DISC1: variants seen among roughly 807,000 people sequenced by gnomAD.
DISC1 encodes the protein DISC1 scaffold protein, also known as disrupted in schizophrenia 1 protein.
Under a neutral mutation model 84.5 loss-of-function variants are expected in DISC1, and 57 were observed. The observed-to-expected ratio is 0.67, with a 90% confidence interval of 0.55 to 0.84. The LOEUF (loss-of-function observed/expected upper bound fraction) is 0.84. DISC1 is among the 40% of genes least tolerant of loss of function. The probability of loss-of-function intolerance (pLI) is 0.00; values close to 1 mark genes in which losing one functional copy is unlikely to be tolerated. For synonymous variants in DISC1, 411 were observed against 415.2 expected (o/e 0.99, Z 0.12); for missense variants, 1,000 against 1,057.8 (o/e 0.95, Z 0.76).
At chr1:231,957,290 C>T (rs180697321) in intron 9 of DISC1, among the ~76,000 whole-genome samples, 1 of 152,334 alleles carries the variant, frequency 6.6e-6, no homozygotes, top group African/African-American at 2.4e-5. Flanking sequence ...CCTCTTCCCT[C>T]CCTCCGCAAA....
chr1:231,944,648 C>T (rs759949046), intron 9 of DISC1, among the ~76,000 whole-genome samples: 4 of 152,170 alleles, frequency 2.6e-5, no homozygotes, highest in Non-Finnish European at 2.9e-5. Context: ...TCCCTTTCCA[C>T]TCACTTTCCT....
At chr1:231,799,749 G>T (rs72760415) in intron 7 of DISC1, among the ~76,000 whole-genome samples, 14,562 of 150,638 alleles carry the variant, frequency 0.097, 895 homozygotes, top group Non-Finnish European at 0.14. Context: ...TTTTGTAATT[G>T]GATGTGGGGT....
At chr1:231,881,398 G>A (rs767995469) in intron 9 of DISC1, among the ~76,000 whole-genome samples, 2 of 152,148 alleles carry the variant, frequency 1.3e-5, no homozygotes, top group Admixed American at 6.5e-5. Context: ...GTAGGTGGCC[G>A]TCTTCTCCCT....
chr1:231,865,778 C>A (rs1277206386), intron 9 of DISC1, among the ~76,000 whole-genome samples: 8 of 152,230 alleles, frequency 5.3e-5, no homozygotes, highest in Admixed American at 4.6e-4. Flanking sequence ...GTCAGGTCTG[C>A]AGCCAGTGTG....
chr1:231,865,878 TG>T (rs2085021524), intron 9 of DISC1, among the ~76,000 whole-genome samples: 1 of 152,214 alleles, frequency 6.6e-6, no homozygotes, highest in African/African-American at 2.4e-5. Flanking sequence ...CTTAGGAATC[TG>T]GTACTCTAAA....
intron 9 of DISC1, among the ~76,000 whole-genome samples, chr1:231,829,760 T>C (rs2082100359): frequency 6.6e-6 from 1 of 151,850 alleles, no homozygotes; most frequent in African/African-American, 2.4e-5. Flanking sequence ...AGGCTGAGTC[T>C]GAAAAGAGAG....
chr1:231,746,348 C>T (rs1001554679), intron 3 of DISC1, among the ~76,000 whole-genome samples: 4 of 152,182 alleles, frequency 2.6e-5, no homozygotes, highest in Admixed American at 1.3e-4. Flanking sequence ...ATCCATTCAT[C>T]TGTTGTTGGA....
chr1:231,693,871 G>A lies in DISC1; in HGVS notation c.113G>A (p.Arg38Gln), dbSNP rs754659008. 20 of 1,614,058 alleles carry A rather than the reference G, an allele frequency of 1.2e-5. No individual in the cohort carries two copies. Among genetic ancestry groups the A allele is most frequent in the Admixed American group, 1.0e-4 (6 of 60,024 alleles). ...CCTGCAGCGTGCTTTCGGAGGCGGCGGCTGGCACGGAGGCCGGGCTACATG... is the reference window on the plus strand; with the variant it reads ...CCTGCAGCGTGCTTTCGGAGGCGGCAGCTGGCACGGAGGCCGGGCTACATG... ...LPPAACFRRR[R>Q]LARRPGYMRS... The change falls in exon 2 of 13, where the codon CGG becomes CAG. Residue 38 changes from arginine to glutamine, a missense_variant. By Grantham distance (43) the Arg-to-Gln change is conservative. Around this residue, in one of 3 missense-constraint regions of DISC1, gnomAD observed 292 missense variants for 280.2 expected, o/e 1.04. Transcript: ENST00000439617.
At chr1:231,886,799 CTTT>C (rs1558692262) in intron 9 of DISC1, among the ~76,000 whole-genome samples, 42 of 142,444 alleles carry the variant, frequency 2.9e-4, no homozygotes, top group African/African-American at 1.1e-3. Flanking sequence ...TTCTTTCTTT[CTTT>C]CTTTCTTTCT....
chr1:231,696,954 C>T (rs539109966), intron 2 of DISC1, among the ~76,000 whole-genome samples: 38 of 152,254 alleles, frequency 2.5e-4, no homozygotes, highest in Non-Finnish European at 4.4e-4. Flanking sequence ...TGTGTGACAG[C>T]GGAATTAACA....
intron 9 of DISC1, among the ~76,000 whole-genome samples, chr1:231,837,341 G>A (rs2082698345): frequency 6.6e-6 from 1 of 152,100 alleles, no homozygotes; most frequent in Admixed American, 6.6e-5. Flanking sequence ...AAATTCAAGG[G>A]GAGACATGAT....
Position 231,694,011 on chromosome 1 carries a change from C to G in DISC1, c.253C>G (p.Gln85Glu). The change falls in exon 2 of 13, where the codon CAG becomes GAG. Residue 85 changes from glutamine to glutamate, a missense_variant. Gln to Glu is a conservative substitution (Grantham distance 29). Around this residue, in one of 3 missense-constraint regions of DISC1, gnomAD observed 292 missense variants for 280.2 expected, o/e 1.04. Transcript: ENST00000439617. The part of the protein sequence containing the change: ...ESHHSESRAR[Q>E]CGLDSRGLLV... ...CCACCACTCGGAGTCCAGGGCCAGA[C>G]AGTGTGGCCTTGACTCGAGAGGCCT... is the stretch of plus-strand genomic sequence containing the variant. The G allele has an allele frequency of 1.9e-6, 3 of 1,614,160 alleles. No homozygotes were observed. The Admixed American group carries it at 5.0e-5, about 27-fold the overall frequency.
chr1:231,746,337 TA>T (rs1295587544), intron 3 of DISC1, among the ~76,000 whole-genome samples: 1 of 152,268 alleles, frequency 6.6e-6, no homozygotes, highest in Non-Finnish European at 1.5e-5. Flanking sequence ...ACATTTGCTT[TA>T]TCCATTCATC....
chr1:231,696,686 A>G (rs537888521), intron 2 of DISC1, among the ~76,000 whole-genome samples: 3 of 152,310 alleles, frequency 2.0e-5, no homozygotes, highest in Admixed American at 1.3e-4. Context: ...TTCTATGTTC[A>G]GATATGTTTA....
chr1:231,963,528 C>A (rs1182639950), intron 10 of DISC1, among the ~76,000 whole-genome samples: 1 of 151,962 alleles, frequency 6.6e-6, no homozygotes, highest in Non-Finnish European at 1.5e-5. Flanking sequence ...TCCCAGCCCA[C>A]CCCTCACCCT....
intron 9 of DISC1, among the ~76,000 whole-genome samples, chr1:231,921,535 A>G (rs2090010940): frequency 1.5e-5 from 2 of 130,706 alleles, no homozygotes. Context: ...ATACTTTTAT[A>G]TTATGAATAT....
Position 231,749,939 on chromosome 1 carries a change from A to C in DISC1, c.1131A>C (p.Gln377His). Residue 377 changes from glutamine to histidine, a missense_variant, in exon 4 of 13, where the codon CAA (glutamine) becomes CAC (histidine). This residue lies in a region of DISC1 where 311 missense variants were observed against 400.1 expected (regional missense o/e 0.78). Coordinates refer to ENST00000439617, the MANE Select transcript of DISC1 (RefSeq NM_018662.3). ...TTGGGTTTCCAGCTGAGACGTTACA[A>C]CAAAGATTAGAAGACCTGGAACAAG... The part of the protein sequence containing the change: ...NDDYDKAETL[Q>H]QRLEDLEQEK... 2.5e-6 allele frequency: 4 copies of C among 1,614,220 alleles called. No homozygotes were observed. Among genetic ancestry groups the C allele is most frequent in the Non-Finnish European group, 3.4e-6 (4 of 1,180,030 alleles).
chr1:231,814,566 C>G (rs1411447716), intron 8 of DISC1, among the ~76,000 whole-genome samples: 7 of 152,158 alleles, frequency 4.6e-5, no homozygotes, highest in African/African-American at 1.7e-4. Flanking sequence ...CATTTGGACT[C>G]AATGTTGTCG....
chr1:231,983,217 T>A (rs188512094), intron 10 of DISC1, among the ~76,000 whole-genome samples: 1 of 151,922 alleles, frequency 6.6e-6, no homozygotes, highest in Non-Finnish European at 1.5e-5. Context: ...CAAGGAAAGC[T>A]GTTCATAGGG....
Sources: allele counts gnomAD v4.1 joint callset (sites outside exome capture counted in the v4.1 genomes callset), GRCh38; gene constraint gnomAD v4.1.1; regional missense constraint gnomAD v4.1.1; transcripts MANE v1.5; gene names NCBI Gene and HGNC (gene_info 2026-07-23, HGNC 2026-07-21).